Variants in ERI3 observed in about 807,000 individuals in gnomAD.
ERI3 encodes the protein ERI1 exoribonuclease 3.
ERI3 carries 18 observed loss-of-function variants against 44.4 expected under a neutral mutation model. The observed-to-expected ratio is 0.41, with a 90% CI of 0.28 to 0.60. The LOEUF (loss-of-function observed/expected upper bound fraction) is 0.60. ERI3 is among the 20% of genes least tolerant of loss of function. The pLI, the probability that ERI3 is intolerant of heterozygous loss-of-function variation, is 0.36. For missense variants in ERI3, 294 were observed against 435.5 expected (o/e 0.68, Z 2.89); for synonymous variants, 183 against 164.8 (o/e 1.11, Z -0.84).
intron 7 of ERI3, among the ~76,000 whole-genome samples, chr1:44,281,620 A>AT (rs1033322874): frequency 7.1e-6 from 1 of 141,478 alleles, no homozygotes; most frequent in Non-Finnish European, 1.5e-5. Flanking sequence ...ATATATATAT[A>AT]ATATATATAT....
At position 44,289,402 on chromosome 1, in the gene ERI3, A is replaced by G. The variant is rs568254910; in HGVS notation, c.759-4495T>C. Reference sequence around the variant, plus strand: ...ACACTGGCCCCTCAGGGTCACCTGAAAAGATTAACAAGCCCTACCCTCAGA... The same window carrying G: ...ACACTGGCCCCTCAGGGTCACCTGAGAAGATTAACAAGCCCTACCCTCAGA... On this transcript the variant is annotated intron_variant, in intron 6 of 8. Coordinates refer to ENST00000372257, the MANE Select transcript of ERI3 (RefSeq NM_024066.3). 5.3e-5 allele frequency among the ~76,000 whole-genome samples: 8 copies of G among 152,366 alleles called. No homozygotes were observed. In the South Asian group the frequency reaches 1.7e-3, roughly 32 times the overall value.
chr1:44,315,562 C>T (rs1646070525), intron 4 of ERI3, among the ~76,000 whole-genome samples: 1 of 152,248 alleles, frequency 6.6e-6, no homozygotes, highest in African/African-American at 2.4e-5. Context: ...AACTCCACTC[C>T]AGTGCTCAGT....
intron 8 of ERI3, among the ~76,000 whole-genome samples, chr1:44,226,616 G>A (rs909325146): frequency 2.6e-5 from 4 of 152,038 alleles, no homozygotes; most frequent in African/African-American, 9.7e-5. Flanking sequence ...ACAGCACAGG[G>A]GGAGCATCTA....
intron 7 of ERI3, among the ~76,000 whole-genome samples, chr1:44,271,067 C>T (rs573665314): frequency 2.4e-4 from 37 of 152,332 alleles, no homozygotes; most frequent in South Asian, 4.1e-4. Context: ...CCTGCTATCC[C>T]TGGCCCACGG....
chr1:44,348,454 C>T (rs374872553), intron 2 of ERI3, among the ~76,000 whole-genome samples: 2 of 152,176 alleles, frequency 1.3e-5, no homozygotes, highest in African/African-American at 4.8e-5. Context: ...GAGGTGCCAG[C>T]GGCCAGCTCT....
At chr1:44,270,480 T>TG (rs1261017990) in intron 7 of ERI3, among the ~76,000 whole-genome samples, 1 of 152,174 alleles carries the variant, frequency 6.6e-6, no homozygotes, top group Non-Finnish European at 1.5e-5. Context: ...CCCAAAGTGT[T>TG]GGAGTACACA....
At chr1:44,238,183 T>C (rs946295373) in intron 8 of ERI3, among the ~76,000 whole-genome samples, 1 of 152,114 alleles carries the variant, frequency 6.6e-6, no homozygotes, top group African/African-American at 2.4e-5. Context: ...TTAGCGGTGC[T>C]GCCTCCCTCC....
intron 7 of ERI3, among the ~76,000 whole-genome samples, chr1:44,259,654 C>T (rs1644847156): frequency 6.8e-6 from 1 of 147,840 alleles, no homozygotes; most frequent in Non-Finnish European, 1.5e-5. Context: ...CCAGCCTAGG[C>T]AACGTGGCAA....
chr1:44,293,342 T>A (rs1431505187), intron 6 of ERI3, among the ~76,000 whole-genome samples: 1 of 152,178 alleles, frequency 6.6e-6, no homozygotes, highest in African/African-American at 2.4e-5. Context: ...CTTGCCACCA[T>A]TACCCTTCCA....
intron 8 of ERI3, among the ~76,000 whole-genome samples, chr1:44,224,391 C>T (rs1271049085): frequency 6.6e-6 from 1 of 152,204 alleles, no homozygotes; most frequent in Non-Finnish European, 1.5e-5. Context: ...ATCTCAAGGA[C>T]CCACTCACTG....
intron 1 of ERI3, chr1:44,354,166 C>A: frequency 1.0e-6 from 1 of 985,390 alleles, no homozygotes; most frequent in Non-Finnish European, 1.2e-6. Context: ...GTTTGAATAG[C>A]GTACACTCTT....
chr1:44,317,411 CA>C (rs1462785230), intron 4 of ERI3, among the ~76,000 whole-genome samples: 1 of 151,996 alleles, frequency 6.6e-6, no homozygotes, highest in Non-Finnish European at 1.5e-5. Context: ...GGAGACAGGG[CA>C]AAATATATAT....
At chr1:44,251,796 C>G (rs1012032277) in intron 7 of ERI3, among the ~76,000 whole-genome samples, 6 of 152,188 alleles carry the variant, frequency 3.9e-5, no homozygotes, top group African/African-American at 1.4e-4. Flanking sequence ...CTCTGTGTAC[C>G]TGGCAGCAAC....
intron 1 of ERI3, chr1:44,353,307 T>A (rs1240841424): frequency 3.0e-6 from 3 of 985,362 alleles, no homozygotes; most frequent in Non-Finnish European, 3.6e-6. Context: ...TAGGGGTTGG[T>A]TGCCACAAAT....
At chr1:44,279,232 T>TA (rs1047228793) in intron 7 of ERI3, among the ~76,000 whole-genome samples, 21 of 133,784 alleles carry the variant, frequency 1.6e-4, no homozygotes, top group African/African-American at 5.2e-4. Context: ...CACTGCCAAT[T>TA]TTTTTTTATT....
At chr1:44,353,028 T>C in intron 1 of ERI3, 103 bp from the exon 2 acceptor site, 1 of 1,573,580 alleles carries the variant, frequency 6.4e-7, no homozygotes, top group South Asian at 1.2e-5. Flanking sequence ...AACTTCGGGA[T>C]AACTGCTATC....
rs1011081173 is a variant in ERI3 at position 44,284,920 on chromosome 1, G to C, written c.759-13C>G. 4 of 1,611,986 alleles carry C rather than the reference G, an allele frequency of 2.5e-6. No individual in the cohort carries two copies. The East Asian group carries it at 8.9e-5, about 36-fold the overall frequency. On this transcript the variant is annotated splice_polypyrimidine_tract_variant and intron_variant, in intron 6 of 8. Transcript: ENST00000372257. Reference sequence around the variant, plus strand: ...CTGGCCTGGGAGCCTACAAAAAAAAGGGAAGAGAGAACAAGTTGGGCGCAT... The same window carrying C: ...CTGGCCTGGGAGCCTACAAAAAAAACGGAAGAGAGAACAAGTTGGGCGCAT...
At chr1:44,276,379 A>T (rs1221170285) in intron 7 of ERI3, among the ~76,000 whole-genome samples, 3 of 152,240 alleles carry the variant, frequency 2.0e-5, no homozygotes, top group Non-Finnish European at 4.4e-5. Context: ...TTTGTATTAC[A>T]TTTATACATA....
chr1:44,317,754 AG>A lies in ERI3; in HGVS notation c.606+1873del, dbSNP rs1264508956. 2.6e-5 allele frequency among the ~76,000 whole-genome samples: 4 copies of A among 152,048 alleles called. No homozygotes were observed. The East Asian group carries it at 7.7e-4, about 29-fold the overall frequency. The stretch of plus-strand genomic sequence containing the variant: ...AGCAGAGTCCTGGAGGTCAAGCAGG[AG>A]TTGGCGGGGAGAGTGGGAACTCTGT... On this transcript the variant is annotated intron_variant, in intron 4 of 8. Transcript: ENST00000372257.
Sources: allele counts gnomAD v4.1 joint callset (sites outside exome capture counted in the v4.1 genomes callset), GRCh38; gene constraint gnomAD v4.1.1; transcripts MANE v1.5; gene names NCBI Gene and HGNC (gene_info 2026-07-23, HGNC 2026-07-21).